The following PTPRM variants were observed in gnomAD, a reference collection of about 807,000 sequenced individuals.
The protein encoded by PTPRM is receptor-type tyrosine-protein phosphatase mu.
A neutral mutation model predicts 186.7 loss-of-function variants in PTPRM; 47 were observed. The ratio of observed to expected loss-of-function variants is 0.25; its 90% CI spans 0.20 to 0.32. The LOEUF (loss-of-function observed/expected upper bound fraction) is 0.32. Among genes scored for constraint, PTPRM ranks in the 10% least tolerant of loss-of-function variants. PTPRM has a pLI of 1.00. For synonymous variants in PTPRM, 668 were observed against 674.9 expected, an observed-to-expected ratio of 0.99 and a Z score of 0.16; for missense variants, 1,494 against 1,865.0, an observed-to-expected ratio of 0.80 and a Z score of 3.66.
rs1158951450 is a variant in PTPRM at position 8,221,113 on chromosome 18, G to T, written c.2301-22945G>T. Among the ~76,000 whole-genome samples the T allele has an allele frequency of 3.3e-5, 5 of 152,238 alleles. No individual in the cohort carries two copies. In the East Asian group the frequency reaches 9.7e-4, roughly 29 times the overall value. On this transcript the variant is annotated intron_variant, in intron 14 of 32. Transcript: ENST00000580170. ...ACTAAACTATTGCAGATTTGACAGG[G>T]TGTTTATTTTGCAAATATGATTGGA...
chr18:7,830,544 A>T (rs1405556620), intron 2 of PTPRM, among the ~76,000 whole-genome samples: 1 of 152,196 alleles, frequency 6.6e-6, no homozygotes, highest in Non-Finnish European at 1.5e-5. Context: ...ATGGTCTGTC[A>T]CATGCAGTCT....
intron 1 of PTPRM, among the ~76,000 whole-genome samples, chr18:7,740,167 G>A (rs747273717): frequency 5.3e-5 from 8 of 152,140 alleles, no homozygotes; most frequent in Non-Finnish European, 8.8e-5. Flanking sequence ...GCATTGGTTG[G>A]TCCTGCCAAC....
At chr18:7,607,792 C>T (rs2037570652) in intron 1 of PTPRM, among the ~76,000 whole-genome samples, 1 of 152,244 alleles carries the variant, frequency 6.6e-6, no homozygotes, top group Non-Finnish European at 1.5e-5. Context: ...CTCGCTCTGC[C>T]TTCCTCGGAG....
chr18:7,567,946 C>A lies in PTPRM; in HGVS notation c.73+55C>A, dbSNP rs1245718383. 4 of 1,494,838 alleles carry A rather than the reference C, an allele frequency of 2.7e-6. No individual in the cohort carries two copies. Among genetic ancestry groups the A allele is most frequent in the African/African-American group, 2.9e-5 (2 of 67,846 alleles). 92.6% of individuals were successfully genotyped at this position (1,494,838 alleles called of 1,614,324 possible). A position where few individuals can be genotyped will look rare whatever the true frequency, so the allele number is the denominator to read the frequency against. On this transcript the variant is annotated intron_variant, in intron 1 of 32. Coordinates refer to ENST00000580170, the MANE Select transcript of PTPRM (RefSeq NM_001105244.2). The surrounding 1 kb of genome is among the most constrained non-coding windows in gnomAD (Gnocchi z 4.3). ...GGCGCGCGGGCCGGCGCGGGACGCC[C>A]GGGACGCCGACAGCTCCCTGGTGGT...
intron 1 of PTPRM, among the ~76,000 whole-genome samples, chr18:7,693,059 A>G (rs1461752626): frequency 6.6e-6 from 1 of 152,194 alleles, no homozygotes; most frequent in East Asian, 1.9e-4. Flanking sequence ...GTTGTGTAGC[A>G]CTAATGTAAA....
At chr18:7,886,023 A>G in intron 2 of PTPRM, among the ~76,000 whole-genome samples, 1 of 152,308 alleles carries the variant, frequency 6.6e-6, no homozygotes, top group South Asian at 2.1e-4. Flanking sequence ...AGCTTAAGTG[A>G]TGGGAACAAT....
intron 4 of PTPRM, among the ~76,000 whole-genome samples, chr18:7,918,867 A>G (rs1272705879): frequency 6.6e-6 from 1 of 152,166 alleles, no homozygotes; most frequent in Non-Finnish European, 1.5e-5. Flanking sequence ...TTCTTTGCCC[A>G]GACCAATGTT....
intron 1 of PTPRM, among the ~76,000 whole-genome samples, chr18:7,684,560 A>G (rs577875753): frequency 4.0e-4 from 61 of 152,194 alleles, no homozygotes; most frequent in Non-Finnish European, 8.1e-4. Flanking sequence ...CATGAGTTTG[A>G]ATGTTTTAGA....
At chr18:8,005,119 T>TG (rs1200599954) in intron 7 of PTPRM, among the ~76,000 whole-genome samples, 1 of 152,192 alleles carries the variant, frequency 6.6e-6, no homozygotes, top group Non-Finnish European at 1.5e-5. Flanking sequence ...AATGGTCCTT[T>TG]GGGCATGGCT....
chr18:7,749,057 A>C (rs1172805923), intron 1 of PTPRM: 1 of 152,196 alleles, frequency 6.6e-6, no homozygotes, highest in Non-Finnish European at 1.5e-5. Context: ...AGTTTCACTT[A>C]CCTGTGACAT....
At chr18:8,043,953 C>A (rs950583403) in intron 7 of PTPRM, among the ~76,000 whole-genome samples, 1 of 152,190 alleles carries the variant, frequency 6.6e-6, no homozygotes, top group African/African-American at 2.4e-5. Flanking sequence ...AGTTTCTACT[C>A]TTTGGCAGAG....
intron 31 of PTPRM, among the ~76,000 whole-genome samples, chr18:8,392,377 C>A (rs1393270429): frequency 1.3e-5 from 2 of 152,166 alleles, no homozygotes; most frequent in Non-Finnish European, 2.9e-5. Flanking sequence ...GTAATCCCAG[C>A]ACTTTGGGAG....
chr18:8,321,347 A>G (rs1207488674), intron 22 of PTPRM, among the ~76,000 whole-genome samples: 3 of 152,166 alleles, frequency 2.0e-5, no homozygotes, highest in Admixed American at 6.5e-5. Context: ...ACGAACAGCT[A>G]AAGTAGAGAC....
chr18:8,390,616 CA>C (rs1486696146), intron 31 of PTPRM, among the ~76,000 whole-genome samples: 1 of 152,154 alleles, frequency 6.6e-6, no homozygotes, highest in African/African-American at 2.4e-5. Flanking sequence ...AAAAACTTGA[CA>C]GGTACTTCAC....
intron 7 of PTPRM, among the ~76,000 whole-genome samples, chr18:8,032,429 T>C (rs1315761249): frequency 6.6e-6 from 1 of 152,200 alleles, no homozygotes; most frequent in Non-Finnish European, 1.5e-5. Context: ...GTAATTAAGA[T>C]TTCATTTACA....
intron 5 of PTPRM, among the ~76,000 whole-genome samples, chr18:7,929,688 A>C (rs1050034767): frequency 6.6e-6 from 1 of 152,208 alleles, no homozygotes; most frequent in African/African-American, 2.4e-5. Context: ...TTATTAATCT[A>C]TATGTGTACA....
At chr18:8,172,369 T>C (rs530516780) in intron 14 of PTPRM, among the ~76,000 whole-genome samples, 25 of 151,904 alleles carry the variant, frequency 1.6e-4, no homozygotes, top group Admixed American at 3.3e-4. Context: ...ATTCATAGCC[T>C]GTTAGTAGCT....
intron 1 of PTPRM, among the ~76,000 whole-genome samples, chr18:7,660,023 A>G (rs546227169): frequency 2.6e-3 from 393 of 152,222 alleles, no homozygotes; most frequent in Middle Eastern, 0.014. Flanking sequence ...ACACTTGCTT[A>G]CAAAAAGGAA....
chr18:8,335,002 C>T (rs1443477513), intron 22 of PTPRM, among the ~76,000 whole-genome samples: 2 of 152,204 alleles, frequency 1.3e-5, no homozygotes, highest in Non-Finnish European at 2.9e-5. Flanking sequence ...GTTCCAACAA[C>T]CAAACACTTC....
Sources: allele counts gnomAD v4.1 joint callset (sites outside exome capture counted in the v4.1 genomes callset), GRCh38; gene constraint gnomAD v4.1.1; non-coding constraint Gnocchi (gnomAD v3.1); transcripts MANE v1.5; gene names NCBI Gene and HGNC (gene_info 2026-07-23, HGNC 2026-07-21).